Variants in ANKRD27 observed in about 807,000 individuals in gnomAD.
ANKRD27 encodes ankyrin repeat domain 27.
ANKRD27 carries 112 observed loss-of-function variants against 129.7 expected under a neutral mutation model. The observed-to-expected ratio is 0.86, with a 90% CI of 0.74 to 1.01. The LOEUF (loss-of-function observed/expected upper bound fraction) is 1.01. ANKRD27 is among the 50% of genes least tolerant of loss of function. ANKRD27 has a pLI of 0.00. For synonymous variants in ANKRD27, 516 were observed against 511.2 expected (o/e 1.01, Z -0.13); for missense variants, 1,258 against 1,300.5 (o/e 0.97, Z 0.50).
chr19:32,613,764 G>A (rs888152556), intron 22 of ANKRD27, among the ~76,000 whole-genome samples: 19 of 148,984 alleles, frequency 1.3e-4, no homozygotes, highest in Admixed American at 6.7e-4. Context: ...GCTGGAGTGC[G>A]GTGGCACAAT....
chr19:32,669,801 A>T (rs973773485), intron 1 of ANKRD27, among the ~76,000 whole-genome samples: 1 of 151,970 alleles, frequency 6.6e-6, no homozygotes, highest in Admixed American at 6.6e-5. Flanking sequence ...GTTCAAGACC[A>T]CCCTGGCCAA....
chr19:32,612,583 C>T (rs1971850367), intron 22 of ANKRD27, among the ~76,000 whole-genome samples: 1 of 152,142 alleles, frequency 6.6e-6, no homozygotes, highest in African/African-American at 2.4e-5. Context: ...GTCATCAAGA[C>T]AGCGCGGTAC....
At chr19:32,606,082 C>A in intron 23 of ANKRD27, 128 bp from the exon 24 acceptor site, 1 of 805,300 alleles carries the variant, frequency 1.2e-6, no homozygotes, top group African/African-American at 1.9e-5. Context: ...GAGAAATGCT[C>A]AAGTTTGATA....
chr19:32,644,522 T>C (rs1967265778), intron 4 of ANKRD27, 43 bp from the exon 5 acceptor site: 2 of 1,603,296 alleles, frequency 1.2e-6, no homozygotes, highest in Non-Finnish European at 1.7e-6. Context: ...AAGCCTCTGC[T>C]GGTTCCTGAC....
rs1053052780 is a variant in ANKRD27 at position 32,626,829 on chromosome 19, T to G, written c.1421-2A>C. 3 of 1,604,684 alleles carry G rather than the reference T, an allele frequency of 1.9e-6. No homozygotes were observed. Among genetic ancestry groups the G allele is most frequent in the Non-Finnish European group, 2.6e-6 (3 of 1,175,006 alleles). On this transcript the variant is annotated splice_acceptor_variant, in intron 15 of 28. Transcript: ENST00000306065. LOFTEE classifies it high-confidence loss of function. ...GGAGGTCGATGAGGGATGCCTGCCC[T>G]GCAGAGCAGAAGGACGTCACGATGG...
In ANKRD27 at chr19:32,669,826, G is replaced by A. The variant is rs545714195; in HGVS notation, c.-31+5245C>T. ...ACCCTGGCCAAAATGGTGAAACCCCGTCTCTGCTAAAAATACAAAAATTAG... is the reference window on the plus strand; with the variant it reads ...ACCCTGGCCAAAATGGTGAAACCCCATCTCTGCTAAAAATACAAAAATTAG... On this transcript the variant is annotated intron_variant, in intron 1 of 28. Transcript: ENST00000306065. 1.8e-4 allele frequency among the ~76,000 whole-genome samples: 28 copies of A among 151,990 alleles called. No individual in the cohort carries two copies. In the East Asian group the frequency reaches 2.1e-3, roughly 12 times the overall value.
At chr19:32,620,885 C>CAAAA (rs746859989) in intron 18 of ANKRD27, among the ~76,000 whole-genome samples, 7 of 75,310 alleles carry the variant, frequency 9.3e-5, no homozygotes, top group Admixed American at 9.1e-4. Context: ...AACCTTGTCT[C>CAAAA]AAAAAAAAAA....
At chr19:32,600,985 C>T (rs896801362) in intron 26 of ANKRD27, among the ~76,000 whole-genome samples, 2 of 152,080 alleles carry the variant, frequency 1.3e-5, no homozygotes, top group Admixed American at 6.6e-5. Flanking sequence ...AATCAACCTC[C>T]GTACACGTAC....
intron 2 of ANKRD27, among the ~76,000 whole-genome samples, chr19:32,656,087 G>GA (rs1555747101): frequency 6.6e-5 from 8 of 121,886 alleles, no homozygotes; most frequent in African/African-American, 2.8e-4. Flanking sequence ...AAGAAAGAAA[G>GA]AAAGAAAGAA....
At position 32,642,108 on chromosome 19, in the gene ANKRD27, G is replaced by A; in HGVS notation, c.820C>T (p.Leu274=). ...IPRAKRELAQ[L]NKCTSPQQKL... is the part of the protein sequence containing the mutation. ...TGCTGTGGGGAGGTGCATTTGTTCAGCTGAGCCAGCTCTCTTTTGGCACGA... is the reference window on the plus strand; with the variant it reads ...TGCTGTGGGGAGGTGCATTTGTTCAACTGAGCCAGCTCTCTTTTGGCACGA... The change falls in exon 10 of 29, where the codon CTG becomes TTG. Residue 274 remains leucine, a synonymous_variant. Transcript: ENST00000306065. 6.2e-7 allele frequency: 1 copy of A among 1,609,522 alleles called. No homozygotes were observed. The highest frequency in any genetic ancestry group is 8.5e-7 in the Non-Finnish European group (1 of 1,177,160).
At chr19:32,600,497 C>T (rs1297936014) in intron 26 of ANKRD27, among the ~76,000 whole-genome samples, 1 of 152,104 alleles carries the variant, frequency 6.6e-6, no homozygotes, top group Non-Finnish European at 1.5e-5. Context: ...GCCGAGATTG[C>T]ACCACCACAC....
chr19:32,640,772 T>A (rs1848571813), intron 10 of ANKRD27, among the ~76,000 whole-genome samples: 1 of 152,120 alleles, frequency 6.6e-6, no homozygotes, highest in African/African-American at 2.4e-5. Context: ...AGGGTGGTGG[T>A]GCATGCCTGT....
At chr19:32,642,225 G>T in intron 9 of ANKRD27, 80 bp from the exon 10 acceptor site, 1 of 1,335,662 alleles carries the variant, frequency 7.5e-7, no homozygotes, top group Non-Finnish European at 1.0e-6. Context: ...CACATCTCAG[G>T]ATCTACACTT....
chr19:32,633,938 G>A (rs1568408236), intron 12 of ANKRD27, among the ~76,000 whole-genome samples: 3 of 152,226 alleles, frequency 2.0e-5, no homozygotes, highest in Admixed American at 6.5e-5. Flanking sequence ...GCTGAGGCAG[G>A]AGGATCCCTT....
intron 13 of ANKRD27, among the ~76,000 whole-genome samples, chr19:32,630,272 G>A (rs916385900): frequency 4.6e-5 from 7 of 152,172 alleles, no homozygotes; most frequent in Admixed American, 4.6e-4. Flanking sequence ...GCTCCAGGTC[G>A]CCTGGAAGCA....
intron 2 of ANKRD27, among the ~76,000 whole-genome samples, chr19:32,651,564 G>GTATTTTTAGTA (rs1761020242): frequency 6.6e-6 from 1 of 152,082 alleles, no homozygotes; most frequent in Admixed American, 6.6e-5. Context: ...TAGAGACGGG[G>GTATTTTTAGTA]TTTCACCGTG....
chr19:32,650,670 T>C (rs1430007478), intron 2 of ANKRD27, among the ~76,000 whole-genome samples: 2 of 145,894 alleles, frequency 1.4e-5, no homozygotes, highest in African/African-American at 5.0e-5. Context: ...AGAGCAAGAC[T>C]CTGTCTTTAA....
chr19:32,651,400 C>T (rs1309974078), intron 2 of ANKRD27, among the ~76,000 whole-genome samples: 1 of 151,786 alleles, frequency 6.6e-6, no homozygotes. Context: ...AGACAGATCT[C>T]GCTCTGTTGC....
At chr19:32,614,183 T>C (rs1175629090) in intron 22 of ANKRD27, among the ~76,000 whole-genome samples, 1 of 152,096 alleles carries the variant, frequency 6.6e-6, no homozygotes, top group Non-Finnish European at 1.5e-5. Context: ...TGCGTCTTGA[T>C]GGTGGTGATG....
Sources: gnomAD v4.1 joint callset for allele counts (sites outside exome capture counted in the v4.1 genomes callset) on GRCh38, gnomAD v4.1.1 for gene constraint, MANE v1.5 for transcripts, NCBI Gene and HGNC (gene_info 2026-07-23, HGNC 2026-07-21) for gene names.